The following CAMKMT variants were observed in gnomAD, a reference collection of about 807,000 sequenced individuals.
The protein encoded by CAMKMT is CaM KMT.
Under a neutral mutation model 48.0 loss-of-function variants are expected in CAMKMT, and 53 were observed. The observed-to-expected ratio is 1.10, with a 90% CI of 0.89 to 1.39. The LOEUF is 1.39. CAMKMT is among the 40% of genes most tolerant of loss of function. The probability of loss-of-function intolerance (pLI) is 0.00; values close to 1 mark genes in which losing one functional copy is unlikely to be tolerated. For synonymous variants in CAMKMT, 165 were observed against 152.3 expected, an observed-to-expected ratio of 1.08 and a Z score of -0.61; for missense variants, 428 against 402.7, an observed-to-expected ratio of 1.06 and a Z score of -0.54.
At chr2:44,524,024 G>T (rs530046881) in intron 3 of CAMKMT, among the ~76,000 whole-genome samples, 1 of 151,436 alleles carries the variant, frequency 6.6e-6, no homozygotes, top group Non-Finnish European at 1.5e-5. Context: ...TGATCCGCTC[G>T]CCTCGGCCTC....
At chr2:44,446,327 C>T (rs2104577679) in intron 3 of CAMKMT, among the ~76,000 whole-genome samples, 1 of 152,008 alleles carries the variant, frequency 6.6e-6, no homozygotes, top group South Asian at 2.1e-4. Context: ...CAGATTTGGT[C>T]TTTCCCTTAT....
chr2:44,621,032 G>A (rs1558749829), intron 3 of CAMKMT, among the ~76,000 whole-genome samples: 1 of 152,214 alleles, frequency 6.6e-6, no homozygotes, highest in Non-Finnish European at 1.5e-5. Context: ...ACTTTGGGAG[G>A]CCGAGGCGGG....
At chr2:44,420,555 C>T (rs13430400) in intron 3 of CAMKMT, among the ~76,000 whole-genome samples, 5,841 of 151,672 alleles carry the variant, frequency 0.039, 385 homozygotes, top group African/African-American at 0.13. Context: ...ATGTGTTGTT[C>T]AAGAGTCAAC....
At position 44,455,753 on chromosome 2, in the gene CAMKMT, C is replaced by T. The variant is rs529930840; in HGVS notation, c.376+65448C>T. Reference sequence around the variant, plus strand: ...TAGTATAAGGATCACATGGGTTAAACATTTAAAATTCTTAAAAAGCTATTT... The same window carrying T: ...TAGTATAAGGATCACATGGGTTAAATATTTAAAATTCTTAAAAAGCTATTT... On this transcript the variant is annotated intron_variant, in intron 3 of 10. Coordinates refer to ENST00000378494, the MANE Select transcript of CAMKMT (RefSeq NM_024766.5). Among the ~76,000 whole-genome samples, 4 of 151,902 alleles carry T rather than the reference C, an allele frequency of 2.6e-5. No homozygotes were observed. In the South Asian group the frequency reaches 8.4e-4, roughly 32 times the overall value.
chr2:44,450,582 C>T (rs1353679769), intron 3 of CAMKMT, among the ~76,000 whole-genome samples: 1 of 152,008 alleles, frequency 6.6e-6, no homozygotes, highest in African/African-American at 2.4e-5. Context: ...TACACTTTCA[C>T]CCATATATTT....
chr2:44,379,838 T>C (rs1212603392), intron 2 of CAMKMT, among the ~76,000 whole-genome samples: 1 of 152,072 alleles, frequency 6.6e-6, no homozygotes, highest in Non-Finnish European at 1.5e-5. Flanking sequence ...CTGTCTCTTT[T>C]TATTGTCAGA....
intron 3 of CAMKMT, among the ~76,000 whole-genome samples, chr2:44,489,522 A>G (rs985739832): frequency 6.6e-6 from 1 of 152,220 alleles, no homozygotes; most frequent in Non-Finnish European, 1.5e-5. Flanking sequence ...CCGGGATTAC[A>G]TGTGTGAGCC....
chr2:44,409,514 G>A (rs1406527447), intron 3 of CAMKMT, among the ~76,000 whole-genome samples: 3 of 151,936 alleles, frequency 2.0e-5, no homozygotes, highest in Non-Finnish European at 4.4e-5. Context: ...AAGTAAATTT[G>A]GAATTTTGTC....
At chr2:44,433,455 T>C (rs909119418) in intron 3 of CAMKMT, among the ~76,000 whole-genome samples, 1 of 152,172 alleles carries the variant, frequency 6.6e-6, no homozygotes, top group Non-Finnish European at 1.5e-5. Flanking sequence ...CTTAGGGTTT[T>C]CATAAGTTTG....
intron 3 of CAMKMT, among the ~76,000 whole-genome samples, chr2:44,585,054 G>GA (rs780810549): frequency 0.026 from 3,610 of 139,628 alleles, 154 homozygotes; most frequent in African/African-American, 0.087. Context: ...GACTCCGTCT[G>GA]AAAAAAAAAA....
intron 3 of CAMKMT, among the ~76,000 whole-genome samples, chr2:44,640,801 A>T (rs1673407729): frequency 6.6e-6 from 1 of 152,242 alleles, no homozygotes; most frequent in Non-Finnish European, 1.5e-5. Context: ...TATTGAAAAG[A>T]TTAGAGATAT....
intron 3 of CAMKMT, among the ~76,000 whole-genome samples, chr2:44,443,813 C>T (rs980049309): frequency 1.3e-5 from 2 of 152,118 alleles, no homozygotes; most frequent in African/African-American, 2.4e-5. Flanking sequence ...GAAGGGAGTT[C>T]ATCCGTTCTC....
At chr2:44,386,522 G>A (rs986604605) in intron 2 of CAMKMT, among the ~76,000 whole-genome samples, 1 of 151,884 alleles carries the variant, frequency 6.6e-6, no homozygotes, top group African/African-American at 2.4e-5. Context: ...ATTTAGTTCT[G>A]CTCTGATCTT....
At chr2:44,631,039 T>G (rs551517041) in intron 3 of CAMKMT, among the ~76,000 whole-genome samples, 24 of 152,302 alleles carry the variant, frequency 1.6e-4, no homozygotes, top group African/African-American at 5.5e-4. Flanking sequence ...AAATGTGGCA[T>G]GTATACACCA....
At chr2:44,632,137 T>C (rs1187674954) in intron 3 of CAMKMT, among the ~76,000 whole-genome samples, 1 of 152,162 alleles carries the variant, frequency 6.6e-6, no homozygotes, top group Non-Finnish European at 1.5e-5. Flanking sequence ...GTACTTACCA[T>C]TTTCAGCACT....
chr2:44,438,866 T>A (rs568007074), intron 3 of CAMKMT, among the ~76,000 whole-genome samples: 1 of 152,274 alleles, frequency 6.6e-6, no homozygotes, highest in East Asian at 1.9e-4. Flanking sequence ...CACCCTTGCA[T>A]AGGACTGTCT....
intron 3 of CAMKMT, among the ~76,000 whole-genome samples, chr2:44,442,752 G>T (rs865823249): frequency 2.6e-5 from 4 of 152,304 alleles, no homozygotes; most frequent in Middle Eastern, 6.8e-3. Context: ...TCATCCTGCT[G>T]TTGCAGCACT....
chr2:44,384,411 T>TC (rs779107994), intron 2 of CAMKMT, among the ~76,000 whole-genome samples: 73 of 152,158 alleles, frequency 4.8e-4, no homozygotes, highest in Non-Finnish European at 9.3e-4. Context: ...GAAGATTTTC[T>TC]CCCACTCTCT....
intron 3 of CAMKMT, among the ~76,000 whole-genome samples, chr2:44,531,208 A>G (rs757202303): frequency 2.6e-5 from 4 of 152,124 alleles, no homozygotes; most frequent in Non-Finnish European, 5.9e-5. Context: ...GCGGTTTTTA[A>G]GATTAAAAAT....
Sources: gnomAD v4.1 joint callset for allele counts (sites outside exome capture counted in the v4.1 genomes callset) on GRCh38, gnomAD v4.1.1 for gene constraint, MANE v1.5 for transcripts, NCBI Gene and HGNC (gene_info 2026-07-23, HGNC 2026-07-21) for gene names.